Variants in CYTH1 observed in about 807,000 individuals in gnomAD.
The protein encoded by CYTH1 is cytohesin 1, also known as cytohesin-1.
A neutral mutation model predicts 61.8 loss-of-function variants in CYTH1; 18 were observed. The ratio of observed to expected loss-of-function variants is 0.29; its 90% CI spans 0.20 to 0.43. CYTH1 has a LOEUF of 0.43. CYTH1 is among the 20% of genes least tolerant of loss of function. CYTH1 has a pLI of 1.00. For missense variants in CYTH1, 336 were observed against 510.5 expected, an observed-to-expected ratio of 0.66 and a Z score of 3.29; for synonymous variants, 174 against 184.3, an observed-to-expected ratio of 0.94 and a Z score of 0.45.
intron 1 of CYTH1, among the ~76,000 whole-genome samples, chr17:78,745,513 CT>C (rs1225767716): frequency 6.6e-6 from 1 of 152,162 alleles, no homozygotes; most frequent in African/African-American, 2.4e-5. Flanking sequence ...GTCAAAAATA[CT>C]GAATGTCATA....
intron 10 of CYTH1, among the ~76,000 whole-genome samples, chr17:78,694,374 T>C (rs2092917996): frequency 6.6e-6 from 1 of 152,236 alleles, no homozygotes; most frequent in Admixed American, 6.5e-5. Flanking sequence ...CTAAGTTTCA[T>C]GTGAGCCCTT....
At chr17:78,684,692 C>T (rs1272652734) in intron 11 of CYTH1, among the ~76,000 whole-genome samples, 3 of 151,966 alleles carry the variant, frequency 2.0e-5, no homozygotes, top group African/African-American at 7.3e-5. Context: ...TGTGTGTGTG[C>T]AGAGAGATGG....
intron 1 of CYTH1, among the ~76,000 whole-genome samples, chr17:78,720,934 G>A (rs902536988): frequency 6.6e-6 from 1 of 152,192 alleles, no homozygotes; most frequent in Non-Finnish European, 1.5e-5. Flanking sequence ...TTCTCTGTCT[G>A]CTTACCTTAG....
At chr17:78,740,234 C>T (rs1219847699) in intron 1 of CYTH1, among the ~76,000 whole-genome samples, 1 of 152,168 alleles carries the variant, frequency 6.6e-6, no homozygotes, top group East Asian at 1.9e-4. Flanking sequence ...TTGCACCAGG[C>T]CTGGAGCTGC....
chr17:78,765,781 C>T (rs1402431892), intron 1 of CYTH1, among the ~76,000 whole-genome samples: 1 of 152,152 alleles, frequency 6.6e-6, no homozygotes, highest in African/African-American at 2.4e-5. Flanking sequence ...GAGTCCACAG[C>T]TGAGCTGAGA....
chr17:78,709,405 A>C (rs1335480524), intron 2 of CYTH1: 4 of 480,752 alleles, frequency 8.3e-6, no homozygotes, highest in Non-Finnish European at 1.5e-5. Flanking sequence ...CTTGCAGGCT[A>C]TCTCCAGCTC....
chr17:78,679,510 C>T (rs1011463510), intron 13 of CYTH1, among the ~76,000 whole-genome samples: 1 of 151,996 alleles, frequency 6.6e-6, no homozygotes, highest in Non-Finnish European at 1.5e-5. Context: ...GACCAAGTCC[C>T]AGGGAAGAAC....
chr17:78,677,157 G>A (rs2092709145), intron 13 of CYTH1: 1 of 443,416 alleles, frequency 2.3e-6, no homozygotes, highest in Middle Eastern at 3.3e-4. Flanking sequence ...ATCTCACTGG[G>A]AAGCGGTCTG....
Position 78,675,862 on chromosome 17 carries a change from G to C in CYTH1, c.*229C>G, listed in dbSNP as rs1331002279. ...GACAAGAGCTCTGCCCTGTGAGAGA[G>C]GAAGGCTCTGGAGCCCATGCTGGAC... On this transcript the variant is annotated 3_prime_UTR_variant, in exon 14 of 14. Coordinates refer to ENST00000446868, the MANE Select transcript of CYTH1 (RefSeq NM_004762.6). 272 of 1,460,380 alleles carry C rather than the reference G, an allele frequency of 1.9e-4. No individual in the cohort carries two copies. Among genetic ancestry groups the C allele is most frequent in the Non-Finnish European group, 2.3e-4 (251 of 1,105,234 alleles). The allele number at this position is 1,460,380 out of a possible 1,614,324, so 90.5% of individuals were successfully genotyped here. A position where few individuals can be genotyped will look rare whatever the true frequency, so the allele number is the denominator to read the frequency against.
intron 1 of CYTH1, among the ~76,000 whole-genome samples, chr17:78,720,036 T>C (rs1022182904): frequency 6.6e-6 from 1 of 152,124 alleles, no homozygotes; most frequent in African/African-American, 2.4e-5. Context: ...AAGAGGCCCC[T>C]GGAGTAGTCA....
chr17:78,747,359 G>T (rs2093363682), intron 1 of CYTH1, among the ~76,000 whole-genome samples: 1 of 152,018 alleles, frequency 6.6e-6, no homozygotes, highest in African/African-American at 2.4e-5. Flanking sequence ...GAAGAGATCT[G>T]GGGAGACTCA....
intron 1 of CYTH1, among the ~76,000 whole-genome samples, chr17:78,751,658 G>A (rs543009431): frequency 3.9e-5 from 6 of 152,310 alleles, no homozygotes; most frequent in East Asian, 3.9e-4. Context: ...CCTTTGGACT[G>A]ATTTGCGGGT....
chr17:78,747,545 A>G (rs1450538208), intron 1 of CYTH1, among the ~76,000 whole-genome samples: 1 of 152,168 alleles, frequency 6.6e-6, no homozygotes, highest in Non-Finnish European at 1.5e-5. Context: ...CATCATCCCC[A>G]AAAGAAAACC....
At chr17:78,719,473 C>T (rs1222976698) in intron 1 of CYTH1, among the ~76,000 whole-genome samples, 1 of 152,132 alleles carries the variant, frequency 6.6e-6, no homozygotes, top group Non-Finnish European at 1.5e-5. Context: ...TCTTACAGAT[C>T]ATTACTGCAA....
chr17:78,677,134 A>T (rs964158682), intron 13 of CYTH1: 2 of 452,904 alleles, frequency 4.4e-6, no homozygotes, highest in Non-Finnish European at 8.9e-6. Flanking sequence ...CACTAGAAAC[A>T]TGTCCCGATG....
At chr17:78,684,203 C>G (rs558540664) in intron 11 of CYTH1, among the ~76,000 whole-genome samples, 1 of 152,318 alleles carries the variant, frequency 6.6e-6, no homozygotes, top group Non-Finnish European at 1.5e-5. Flanking sequence ...TGGCCCTCCT[C>G]GCTCTTCTCA....
intron 6 of CYTH1, among the ~76,000 whole-genome samples, chr17:78,701,134 G>A (rs16971655): frequency 0.024 from 3,590 of 152,146 alleles, 142 homozygotes; most frequent in African/African-American, 0.081. Context: ...ATTAACAATC[G>A]ATCCCTTTAA....
intron 1 of CYTH1, among the ~76,000 whole-genome samples, chr17:78,757,385 A>G (rs936233834): frequency 6.6e-6 from 1 of 152,184 alleles, no homozygotes. Context: ...TTCTCCTTCT[A>G]ATTAGAATGT....
At chr17:78,749,153 G>GCA (rs1367625427) in intron 1 of CYTH1, among the ~76,000 whole-genome samples, 1 of 152,154 alleles carries the variant, frequency 6.6e-6, no homozygotes. Context: ...TGTAATCCCA[G>GCA]CACTTTGGGA....
Sources: allele counts gnomAD v4.1 joint callset (sites outside exome capture counted in the v4.1 genomes callset), GRCh38; gene constraint gnomAD v4.1.1; transcripts MANE v1.5; gene names NCBI Gene and HGNC (gene_info 2026-07-23, HGNC 2026-07-21).